SIDT1: variants seen among roughly 807,000 people sequenced by gnomAD.
The protein encoded by SIDT1 is SID1 transmembrane family member 1.
A neutral mutation model predicts 107.5 loss-of-function variants in SIDT1; 101 were observed. The observed-to-expected ratio is 0.94, with a 90% CI of 0.80 to 1.11. The LOEUF is 1.11. Ranked by LOEUF, SIDT1 falls within the 50% of genes least tolerant of loss-of-function variation. The probability of loss-of-function intolerance (pLI) is 0.00; values close to 1 mark genes in which losing one functional copy is unlikely to be tolerated. For synonymous variants in SIDT1, 395 were observed against 398.2 expected, an observed-to-expected ratio of 0.99 and a Z score of 0.10; for missense variants, 1,076 against 1,058.2, an observed-to-expected ratio of 1.02 and a Z score of -0.23.
intron 9 of SIDT1, chr3:113,588,738 A>G (rs962259099): frequency 1.3e-5 from 2 of 151,930 alleles, no homozygotes; most frequent in Admixed American, 6.6e-5. Context: ...TTGAATCCAA[A>G]CTGCCCAATC....
intron 3 of SIDT1, among the ~76,000 whole-genome samples, chr3:113,568,176 TC>T (rs1240016329): frequency 1.7e-5 from 2 of 121,000 alleles, no homozygotes; most frequent in African/African-American, 6.6e-5. Context: ...AGTATTATTT[TC>T]CCCCTGTTTT....
chr3:113,567,772 T>C, intron 3 of SIDT1, 62 bp downstream of exon 3: 5 of 1,515,772 alleles, frequency 3.3e-6, no homozygotes, highest in South Asian at 1.2e-5. Flanking sequence ...GCTCAATTCA[T>C]CTTCCATCCT....
chr3:113,592,212 T>C (rs1040232183), intron 9 of SIDT1, among the ~76,000 whole-genome samples: 8 of 152,172 alleles, frequency 5.3e-5, no homozygotes, highest in Non-Finnish European at 8.8e-5. Flanking sequence ...TAGAATTCGA[T>C]AGTGGTGGGA....
At chr3:113,604,822 G>T (rs1382804869) in intron 13 of SIDT1, 88 bp from the exon 14 acceptor site, 3 of 1,455,440 alleles carry the variant, frequency 2.1e-6, no homozygotes, top group African/African-American at 2.8e-5. Context: ...ATGGACTTAT[G>T]GGGTGGAAGC....
At chr3:113,533,944 G>A (rs985556958) in intron 1 of SIDT1, among the ~76,000 whole-genome samples, 2 of 152,154 alleles carry the variant, frequency 1.3e-5, no homozygotes, top group Non-Finnish European at 2.9e-5. Flanking sequence ...AAGATAAGGA[G>A]GGAAAAATGT....
chr3:113,536,442 G>GA (rs368972200), intron 1 of SIDT1, among the ~76,000 whole-genome samples: 11 of 152,034 alleles, frequency 7.2e-5, no homozygotes, highest in East Asian at 1.9e-4. Context: ...TTGGTTTAGG[G>GA]AAAAAAATGG....
intron 1 of SIDT1, among the ~76,000 whole-genome samples, chr3:113,551,811 GTA>G (rs1338228930): frequency 7.0e-6 from 1 of 143,712 alleles, no homozygotes; most frequent in Middle Eastern, 3.3e-3. Context: ...GATCCCGGGG[GTA>G]AAGTTTTAGG....
intron 3 of SIDT1, among the ~76,000 whole-genome samples, chr3:113,573,850 T>A (rs1327310346): frequency 3.9e-5 from 6 of 152,208 alleles, no homozygotes; most frequent in Non-Finnish European, 8.8e-5. Context: ...GTCACCGAGT[T>A]GACAGTATTT....
chr3:113,576,869 T>G, intron 3 of SIDT1, 53 bp from the exon 4 acceptor site: 2 of 1,573,906 alleles, frequency 1.3e-6, no homozygotes, highest in South Asian at 1.1e-5. Context: ...GCTCACTAAC[T>G]TATGCTTTTC....
chr3:113,542,902 T>TGTGTGTG (rs1939083921), intron 1 of SIDT1, among the ~76,000 whole-genome samples: 1 of 145,144 alleles, frequency 6.9e-6, no homozygotes, highest in African/African-American at 2.6e-5. Flanking sequence ...TTTTGCTTGG[T>TGTGTGTG]TGTGTGTGTG....
intron 19 of SIDT1, among the ~76,000 whole-genome samples, chr3:113,615,874 A>G (rs1946066788): frequency 6.6e-6 from 1 of 152,242 alleles, no homozygotes; most frequent in Non-Finnish European, 1.5e-5. Flanking sequence ...GTTCATGTCC[A>G]TCTTCCTTGC....
rs1199385407 is a variant in SIDT1 at position 113,567,530 on chromosome 3, G to C, written c.345-10G>C. On this transcript the variant is annotated splice_polypyrimidine_tract_variant and intron_variant, in intron 2 of 24. Coordinates refer to ENST00000264852, the MANE Select transcript of SIDT1 (RefSeq NM_017699.3). ...TTGTTTATTTTTTTCCCCTATATTGGCTGCTTCAGATACCAGAGGAGCTAC... is the reference window on the plus strand; with the variant it reads ...TTGTTTATTTTTTTCCCCTATATTGCCTGCTTCAGATACCAGAGGAGCTAC... 1 of 1,604,570 alleles carries C rather than the reference G, an allele frequency of 6.2e-7. No individual in the cohort carries two copies. The highest frequency in any genetic ancestry group is 8.5e-7 in the Non-Finnish European group (1 of 1,175,038).
At chr3:113,543,665 G>C (rs1011926895) in intron 1 of SIDT1, among the ~76,000 whole-genome samples, 1 of 152,124 alleles carries the variant, frequency 6.6e-6, no homozygotes, top group African/African-American at 2.4e-5. Context: ...AATCTATGCT[G>C]CTATTGACAC....
intron 1 of SIDT1, among the ~76,000 whole-genome samples, chr3:113,537,508 C>G (rs1938311297): frequency 6.6e-6 from 1 of 152,228 alleles, no homozygotes; most frequent in Admixed American, 6.5e-5. Flanking sequence ...AATGCTTACT[C>G]TTTATGTACT....
chr3:113,550,058 G>C (rs148364929), intron 1 of SIDT1, among the ~76,000 whole-genome samples: 1 of 152,038 alleles, frequency 6.6e-6, no homozygotes, highest in East Asian at 1.9e-4. Flanking sequence ...CTTTGCCTTG[G>C]TGCAAAGACT....
At chr3:113,573,692 C>A (rs928853297) in intron 3 of SIDT1, among the ~76,000 whole-genome samples, 4 of 152,054 alleles carry the variant, frequency 2.6e-5, no homozygotes, top group African/African-American at 7.2e-5. Context: ...ATGAAAGAGT[C>A]CCCAGAAAGG....
At chr3:113,615,156 G>C (rs2107755064) in intron 19 of SIDT1, 1 of 1,465,294 alleles carries the variant, frequency 6.8e-7, no homozygotes, top group East Asian at 2.5e-5. Context: ...TGGCAGCCCT[G>C]CTCCCTGAAC....
intron 10 of SIDT1, among the ~76,000 whole-genome samples, chr3:113,600,473 C>T (rs954505592): frequency 1.3e-5 from 2 of 151,672 alleles, no homozygotes; most frequent in East Asian, 3.9e-4. Flanking sequence ...TATCAACCTC[C>T]TAGGGTTGTT....
the SIDT1 span, among the ~76,000 whole-genome samples, chr3:113,634,603 T>G: frequency 6.6e-6 from 1 of 152,070 alleles, no homozygotes; most frequent in African/African-American, 2.4e-5. Context: ...CAAGCCCAGC[T>G]TGGCCAACAT....
Sources: allele counts gnomAD v4.1 joint callset (sites outside exome capture counted in the v4.1 genomes callset), GRCh38; gene constraint gnomAD v4.1.1; transcripts MANE v1.5; gene names NCBI Gene and HGNC (gene_info 2026-07-23, HGNC 2026-07-21).